The following ACTR3C variants were observed in gnomAD, a reference collection of about 807,000 sequenced individuals.
The protein encoded by ACTR3C is actin related protein 3C.
In ACTR3C, 18 loss-of-function variants were observed where a neutral mutation model predicts 26.3. That is an observed-to-expected ratio of 0.68 (90% confidence interval 0.47 to 1.01). The LOEUF is 1.01. Ranked by LOEUF, ACTR3C falls within the 50% of genes least tolerant of loss-of-function variation. ACTR3C has a pLI of 0.00. For missense variants in ACTR3C, 184 were observed against 250.7 expected (o/e 0.73, Z 1.80); for synonymous variants, 55 against 94.5 (o/e 0.58, Z 2.42).
chr7:150,227,701 G>GTTTTTTTTTTTTT, the ACTR3C span, among the ~76,000 whole-genome samples: 13 of 94,238 alleles, frequency 1.4e-4, no homozygotes, highest in African/African-American at 4.4e-4. Context: ...TTTTTTTTTT[G>GTTTTTTTTTTTTT]TTTTTTTTTT....
the ACTR3C span, among the ~76,000 whole-genome samples, chr7:150,123,380 G>T: frequency 2.6e-5 from 4 of 152,050 alleles, no homozygotes; most frequent in African/African-American, 9.7e-5. Context: ...ATATAATAGA[G>T]GGAGAAAGAC....
At chr7:150,303,230 G>A (rs1380870644) in intron 1 of ACTR3C, among the ~76,000 whole-genome samples, 4 of 152,164 alleles carry the variant, frequency 2.6e-5, no homozygotes, top group South Asian at 4.1e-4. Context: ...GACTCAAGTC[G>A]TAGACTTGCC....
chr7:150,069,553 G>C, the ACTR3C span, among the ~76,000 whole-genome samples: 1 of 152,156 alleles, frequency 6.6e-6, no homozygotes, highest in Non-Finnish European at 1.5e-5. Flanking sequence ...TTCACCCTGG[G>C]GGATAATGGT....
chr7:150,020,401 C>T, the ACTR3C span, among the ~76,000 whole-genome samples: 5 of 152,036 alleles, frequency 3.3e-5, no homozygotes, highest in African/African-American at 1.2e-4. Flanking sequence ...TCTCTAGAGA[C>T]CTATTTCGGT....
chr7:149,958,805 C>T, the ACTR3C span, among the ~76,000 whole-genome samples: 1 of 152,168 alleles, frequency 6.6e-6, no homozygotes, highest in Non-Finnish European at 1.5e-5. Context: ...AGGTATGATT[C>T]AGAGGAAGCA....
chr7:150,035,609 C>T, the ACTR3C span, among the ~76,000 whole-genome samples: 2 of 123,230 alleles, frequency 1.6e-5, no homozygotes, highest in African/African-American at 3.1e-5. Flanking sequence ...ACGTAAGGTA[C>T]CTGCCGTCGG....
chr7:149,968,857 A>C, the ACTR3C span, among the ~76,000 whole-genome samples: 1 of 152,136 alleles, frequency 6.6e-6, no homozygotes, highest in East Asian at 1.9e-4. Flanking sequence ...GTTGGGGGTA[A>C]GGTAAACCTC....
intron 6 of ACTR3C, among the ~76,000 whole-genome samples, chr7:150,252,322 G>A (rs1832911928): frequency 1.3e-5 from 2 of 152,092 alleles, no homozygotes; most frequent in South Asian, 4.1e-4. Flanking sequence ...TCCAAAATGT[G>A]CAATTTAATG....
chr7:150,029,271 A>C, the ACTR3C span, among the ~76,000 whole-genome samples: 3 of 151,884 alleles, frequency 2.0e-5, no homozygotes, highest in Non-Finnish European at 4.4e-5. Context: ...ACTTCAAACG[A>C]GTCTCTTGCC....
At chr7:150,069,739 G>A in the ACTR3C span, among the ~76,000 whole-genome samples, 3 of 151,994 alleles carry the variant, frequency 2.0e-5, no homozygotes, top group African/African-American at 7.3e-5. Context: ...CAGAAGAGGG[G>A]GCTTATGTTA....
At chr7:150,161,378 C>T in the ACTR3C span, among the ~76,000 whole-genome samples, 16 of 151,372 alleles carry the variant, frequency 1.1e-4, no homozygotes, top group Non-Finnish European at 1.6e-4. Context: ...CCCCACCCCA[C>T]GACAGGCCCC....
At chr7:150,068,709 G>A in the ACTR3C span, among the ~76,000 whole-genome samples, 1 of 149,490 alleles carries the variant, frequency 6.7e-6, no homozygotes, top group Non-Finnish European at 1.5e-5. Context: ...CATGAACCCA[G>A]GAGGCAGAAC....
At chr7:150,054,562 G>C in the ACTR3C span, among the ~76,000 whole-genome samples, 3 of 152,244 alleles carry the variant, frequency 2.0e-5, no homozygotes, top group African/African-American at 4.8e-5. Context: ...CCCACAGCCT[G>C]GGGCTAAGCC....
chr7:150,304,039 T>C (rs571228302), intron 1 of ACTR3C, among the ~76,000 whole-genome samples: 3 of 152,276 alleles, frequency 2.0e-5, no homozygotes, highest in Admixed American at 2.0e-4. Context: ...TCCATGCCCC[T>C]CTAAAACTAC....
the ACTR3C span, chr7:149,892,345 A>ACACT: frequency 6.2e-7 from 1 of 1,606,612 alleles, no homozygotes; most frequent in African/African-American, 1.3e-5. Flanking sequence ...ACTCCCCTCA[A>ACACT]CACTCTCCTT....
the ACTR3C span, chr7:149,881,887 GAAGTC>G: frequency 6.5e-6 from 1 of 153,266 alleles, no homozygotes; most frequent in Non-Finnish European, 1.5e-5. Flanking sequence ...CTACCCCCAA[GAAGTC>G]AAGGTCAGCT....
chr7:150,017,340 GTCT>G, the ACTR3C span, among the ~76,000 whole-genome samples: 2 of 151,718 alleles, frequency 1.3e-5, no homozygotes, highest in Non-Finnish European at 2.9e-5. Context: ...CTTCCTTGAA[GTCT>G]TCTTATTTGG....
chr7:150,051,330 T>A, the ACTR3C span, among the ~76,000 whole-genome samples: 3 of 149,274 alleles, frequency 2.0e-5, no homozygotes, highest in Non-Finnish European at 4.5e-5. Context: ...TTATGATGTA[T>A]AATTAATTCA....
chr7:149,950,215 G>A, the ACTR3C span, among the ~76,000 whole-genome samples: 3 of 76,326 alleles, frequency 3.9e-5, no homozygotes. Context: ...ATATAGAGGT[G>A]ACATAACATT....
Sources: allele counts gnomAD v4.1 joint callset (sites outside exome capture counted in the v4.1 genomes callset), GRCh38; gene constraint gnomAD v4.1.1; transcripts MANE v1.5; gene names NCBI Gene and HGNC (gene_info 2026-07-23, HGNC 2026-07-21).